The following GPHN variants were observed in gnomAD, a reference collection of about 807,000 sequenced individuals.
GPHN encodes the protein gephyrin.
GPHN carries 17 observed loss-of-function variants against 95.5 expected under a neutral mutation model. The ratio of observed to expected loss-of-function variants is 0.18; its 90% CI spans 0.12 to 0.27. The LOEUF (loss-of-function observed/expected upper bound fraction) is 0.27. GPHN is among the 10% of genes least tolerant of loss of function. The pLI is 1.00. For missense variants in GPHN, 660 were observed against 978.1 expected, an observed-to-expected ratio of 0.67 and a Z score of 4.34; for synonymous variants, 320 against 322.5, an observed-to-expected ratio of 0.99 and a Z score of 0.08.
chr14:67,316,081 G>GA, the GPHN span, among the ~76,000 whole-genome samples: 1 of 152,026 alleles, frequency 6.6e-6, no homozygotes, highest in South Asian at 2.1e-4. Context: ...GCTTTACACT[G>GA]AAAAAAAGTA....
At chr14:66,664,989 CAAAAAAAAAAAA>C (rs937401198) in intron 1 of GPHN, among the ~76,000 whole-genome samples, 5 of 54,898 alleles carry the variant, frequency 9.1e-5, no homozygotes, top group Non-Finnish European at 1.5e-4. Context: ...GCCTACCAAC[CAAAAAAAAAAAA>C]AAAAAAAAAA....
the GPHN span, chr14:67,593,623 A>T: frequency 8.1e-6 from 5 of 618,832 alleles, no homozygotes; most frequent in Middle Eastern, 8.6e-4. Context: ...TTAAAAATAA[A>T]GAGATTTACC....
intron 1 of GPHN, among the ~76,000 whole-genome samples, chr14:66,613,543 C>G (rs1188035519): frequency 1.3e-5 from 2 of 152,124 alleles, no homozygotes; most frequent in African/African-American, 4.8e-5. Context: ...TGTCTGCTGA[C>G]TCAAATTTTT....
At chr14:66,549,930 T>C (rs1414393887) in intron 1 of GPHN, among the ~76,000 whole-genome samples, 3 of 152,208 alleles carry the variant, frequency 2.0e-5, no homozygotes, top group Non-Finnish European at 4.4e-5. Flanking sequence ...ATTTTAAGCC[T>C]ATTATTGATA....
chr14:67,315,954 C>G, the GPHN span, among the ~76,000 whole-genome samples: 1 of 152,244 alleles, frequency 6.6e-6, no homozygotes, highest in Admixed American at 6.5e-5. Context: ...TTTAATGCTT[C>G]TTATGTGTAT....
the GPHN span, chr14:67,674,314 A>G: frequency 3.5e-6 from 5 of 1,414,666 alleles, no homozygotes; most frequent in African/African-American, 5.9e-5. Flanking sequence ...AAGGTGGGAG[A>G]ATCTTCCTTC....
At chr14:66,520,202 A>G (rs189194040) in intron 1 of GPHN, among the ~76,000 whole-genome samples, 2 of 152,268 alleles carry the variant, frequency 1.3e-5, no homozygotes, top group South Asian at 2.1e-4. Flanking sequence ...TTACAAGTTT[A>G]TAAGTTTTTT....
chr14:66,884,326 G>C (rs1236354400), intron 5 of GPHN, among the ~76,000 whole-genome samples: 1 of 151,980 alleles, frequency 6.6e-6, no homozygotes, highest in Non-Finnish European at 1.5e-5. Context: ...ACGTCATCAG[G>C]TAATCACTGT....
chr14:67,569,699 G>A, the GPHN span: 2 of 582,362 alleles, frequency 3.4e-6, no homozygotes, highest in Non-Finnish European at 6.1e-6. Context: ...ATGGTTAAAG[G>A]TAAGGCTTTT....
the GPHN span, chr14:67,392,901 G>A: frequency 1.4e-6 from 2 of 1,469,352 alleles, no homozygotes; most frequent in Middle Eastern, 1.9e-4. Flanking sequence ...AGCGTCCTTG[G>A]GGTGTGTGGC....
intron 1 of GPHN, among the ~76,000 whole-genome samples, chr14:66,535,226 T>C (rs1470798657): frequency 6.6e-6 from 1 of 151,886 alleles, no homozygotes; most frequent in African/African-American, 2.4e-5. Flanking sequence ...TTTGGCCCCA[T>C]TTTTTGAAAA....
the GPHN span, among the ~76,000 whole-genome samples, chr14:67,399,839 T>G: frequency 6.6e-6 from 1 of 152,186 alleles, no homozygotes; most frequent in Non-Finnish European, 1.5e-5. Context: ...TCTAGAAAGA[T>G]CAGTGGATGG....
the GPHN span, chr14:67,574,551 A>C: frequency 1.7e-6 from 1 of 597,782 alleles, no homozygotes; most frequent in Non-Finnish European, 2.7e-6. This position sits in a 1 kb window ranked among gnomAD's most constrained non-coding sequence, Gnocchi z 4.2. Flanking sequence ...CCAGCCCTCA[A>C]ACGTGGTCTG....
At chr14:66,971,605 AT>A (rs1482674644) in intron 9 of GPHN, among the ~76,000 whole-genome samples, 1 of 152,094 alleles carries the variant, frequency 6.6e-6, no homozygotes, top group Admixed American at 6.5e-5. Flanking sequence ...TATTGTTCAC[AT>A]TTTTTTATAA....
chr14:66,864,381 A>G (rs564613652), intron 4 of GPHN, among the ~76,000 whole-genome samples: 2 of 152,336 alleles, frequency 1.3e-5, no homozygotes, highest in African/African-American at 4.8e-5. Flanking sequence ...TTAAGTTAGT[A>G]CAACCACCAT....
chr14:67,091,821 C>T (rs1272225061), intron 12 of GPHN, among the ~76,000 whole-genome samples: 4 of 150,582 alleles, frequency 2.7e-5, no homozygotes, highest in Non-Finnish European at 5.9e-5. Context: ...CCTATTTATG[C>T]TTTTGTTTGA....
At chr14:66,593,629 A>C (rs2061851288) in intron 1 of GPHN, among the ~76,000 whole-genome samples, 1 of 152,176 alleles carries the variant, frequency 6.6e-6, no homozygotes, top group Non-Finnish European at 1.5e-5. Context: ...TTGAGATGAG[A>C]TTTGGGTGGG....
At chr14:66,632,805 C>A (rs2063892053) in intron 1 of GPHN, among the ~76,000 whole-genome samples, 2 of 152,092 alleles carry the variant, frequency 1.3e-5, no homozygotes, top group South Asian at 2.1e-4. Context: ...ATAATACATT[C>A]TGCGTATTCC....
Position 66,508,296 on chromosome 14 carries a change from G to C in GPHN, c.-232G>C. ...GCTTGCCTCCTTCTTGCCGGACTTG[G>C]GGCCGCGCGCCCTGACTCCTTCCCC... is the stretch of plus-strand genomic sequence containing the variant. On this transcript the variant is annotated 5_prime_UTR_variant, in exon 1 of 23. Coordinates refer to ENST00000478722, the MANE Select transcript of GPHN (RefSeq NM_020806.5). 1.7e-6 allele frequency: 1 copy of C among 588,664 alleles called. No individual in the cohort carries two copies. Among genetic ancestry groups the C allele is most frequent in the Non-Finnish European group, 3.0e-6 (1 of 330,776 alleles). The allele number at this position is 588,664 out of a possible 1,614,324, so 36.5% of individuals were successfully genotyped here.
Sources: gnomAD v4.1 joint callset for allele counts (sites outside exome capture counted in the v4.1 genomes callset) on GRCh38, gnomAD v4.1.1 for gene constraint, Gnocchi (gnomAD v3.1) non-coding constraint, MANE v1.5 for transcripts, NCBI Gene and HGNC (gene_info 2026-07-23, HGNC 2026-07-21) for gene names.